KCNQ1: variants seen among roughly 807,000 people sequenced by gnomAD.
KCNQ1 encodes potassium voltage-gated channel subfamily Q member 1.
In KCNQ1, 49 loss-of-function variants were observed where a neutral mutation model predicts 72.4. The ratio of observed to expected loss-of-function variants is 0.68; its 90% CI spans 0.54 to 0.86. The LOEUF (loss-of-function observed/expected upper bound fraction) is 0.86, where lower values mean the gene tolerates loss of function less well. Ranked by LOEUF, KCNQ1 falls within the 40% of genes least tolerant of loss-of-function variation. The probability of loss-of-function intolerance (pLI) is 0.00; values close to 1 mark genes in which losing one functional copy is unlikely to be tolerated. For synonymous variants in KCNQ1, 450 were observed against 412.6 expected (o/e 1.09, Z -1.10); for missense variants, 790 against 945.1 (o/e 0.84, Z 2.15).
intron 15 of KCNQ1, among the ~76,000 whole-genome samples, chr11:2,797,931 G>A (rs1847171581): frequency 1.3e-5 from 2 of 152,222 alleles, no homozygotes; most frequent in African/African-American, 2.4e-5. Context: ...AGGCAGCCCA[G>A]GCTGCTCAGG....
At chr11:2,604,099 A>C (rs1848845723) in intron 10 of KCNQ1, among the ~76,000 whole-genome samples, 1 of 152,146 alleles carries the variant, frequency 6.6e-6, no homozygotes, top group Non-Finnish European at 1.5e-5. Context: ...GATTGTTTCC[A>C]CATTTTGACT....
intron 11 of KCNQ1, chr11:2,684,759 G>A: frequency 2.5e-6 from 1 of 398,634 alleles, no homozygotes; most frequent in Non-Finnish European, 4.4e-6. Flanking sequence ...AAGGGGTAAG[G>A]GAGGACTGCC....
rs397508125 is a variant in KCNQ1, at chr11:2,572,858, AC to A, written c.796del (p.Leu266CysfsTer23). 9 of 1,613,608 alleles carry A rather than the reference AC, an allele frequency of 5.6e-6. No homozygotes were observed. Among genetic ancestry groups the A allele is most frequent in the Non-Finnish European group, 7.6e-6 (9 of 1,179,994 alleles). ...VFIHRQELIT[T>X]LYIGFLGLIF... ...TTTTCTGGCCTAGGAGCTGATAACC[AC>A]CCTGTACATCGGCTTCCTGGGCCTC... On this transcript the variant is annotated frameshift_variant, in exon 6 of 16. Coordinates refer to ENST00000155840, the MANE Select transcript of KCNQ1 (RefSeq NM_000218.3). LOFTEE classifies it high-confidence loss of function.
At position 2,627,096 on chromosome 11, in the gene KCNQ1, A is replaced by G; in HGVS notation, c.1394-34865A>G. 2.5e-6 allele frequency: 1 copy of G among 398,478 alleles called. No homozygotes were observed. Among genetic ancestry groups the G allele is most frequent in the Non-Finnish European group, 4.4e-6 (1 of 226,042 alleles). The allele number at this position is 398,478 out of a possible 1,614,324, so 24.7% of individuals were successfully genotyped here. On this transcript the variant is annotated intron_variant, in intron 10 of 15. Coordinates refer to ENST00000155840, the MANE Select transcript of KCNQ1 (RefSeq NM_000218.3). The surrounding 1 kb of genome is among the most constrained non-coding windows in gnomAD (Gnocchi z 4.9). Reference sequence around the variant, plus strand: ...CTTTATGTCTACTTTAATTTCTTTCAGCATTGTTTTGTAATTTTCATTGTA... The same window carrying G: ...CTTTATGTCTACTTTAATTTCTTTCGGCATTGTTTTGTAATTTTCATTGTA...
intron 15 of KCNQ1, among the ~76,000 whole-genome samples, chr11:2,800,805 C>A (rs140389116): frequency 6.6e-6 from 1 of 152,184 alleles, no homozygotes; most frequent in Admixed American, 6.5e-5. Flanking sequence ...GCTGTCCACT[C>A]AGTGACCATC....
chr11:2,667,886 G>A (rs1376251150), intron 11 of KCNQ1: 7 of 398,534 alleles, frequency 1.8e-5, no homozygotes, highest in Non-Finnish European at 2.7e-5. Flanking sequence ...GGTCTCAAGT[G>A]CGCAGCTTGA....
chr11:2,807,622 G>A (rs937345155), intron 15 of KCNQ1, among the ~76,000 whole-genome samples: 9 of 152,120 alleles, frequency 5.9e-5, no homozygotes, highest in South Asian at 2.1e-4. Context: ...CGCAACCCGC[G>A]CCAGGACAGC....
intron 15 of KCNQ1, among the ~76,000 whole-genome samples, chr11:2,780,676 G>T (rs529187940): frequency 6.6e-6 from 1 of 152,208 alleles, no homozygotes; most frequent in African/African-American, 2.4e-5. Flanking sequence ...CAGCTGGCTG[G>T]CACCCCTCCA....
rs1262067249 is a variant in KCNQ1 at position 2,661,835 on chromosome 11, C to T, written c.1394-126C>T. ...AACACCCAACTATAAAACTGATTGT[C>T]AGGGCTGGAGCTTCCAGGCACAAGC... On this transcript the variant is annotated intron_variant, in intron 10 of 15. Transcript: ENST00000155840. This position sits in a 1 kb window ranked among gnomAD's most constrained non-coding sequence, Gnocchi z 5.9. 11 of 1,225,336 alleles carry T rather than the reference C, an allele frequency of 9.0e-6. No homozygotes were observed. The Admixed American group carries it at 1.8e-4, about 20-fold the overall frequency. 75.9% of individuals were successfully genotyped at this position (1,225,336 alleles called of 1,614,324 possible).
intron 14 of KCNQ1, 64 bp from the exon 15 acceptor site, chr11:2,777,912 C>T: frequency 6.7e-7 from 1 of 1,493,448 alleles, no homozygotes; most frequent in Non-Finnish European, 9.3e-7. Flanking sequence ...ACTTCCCAAG[C>T]CCAGCTGGGG....
chr11:2,667,551 G>T, intron 11 of KCNQ1: 1 of 186,176 alleles, frequency 5.4e-6, no homozygotes, highest in Non-Finnish European at 1.1e-5. Context: ...TATTGTCATG[G>T]AGACACTTCT....
At chr11:2,699,522 GCCGCGCTGAGGAGGCCCAGGGAGGA>G (rs1392990024) in intron 11 of KCNQ1, 5 of 275,522 alleles carry the variant, frequency 1.8e-5, no homozygotes, top group Non-Finnish European at 3.0e-5. Flanking sequence ...CCAGGAGAGT[GCCGCGCTGAGGAGGCCCAGGGAGGA>G]CCGCGCGGAG....
At chr11:2,732,815 T>C (rs1388566075) in intron 11 of KCNQ1, among the ~76,000 whole-genome samples, 1 of 151,942 alleles carries the variant, frequency 6.6e-6, no homozygotes, top group African/African-American at 2.4e-5. Flanking sequence ...GGGGCCTCTG[T>C]CCCACCCACT....
At position 2,541,158 on chromosome 11, in the gene KCNQ1, C is replaced by T. The variant is rs572768374; in HGVS notation, c.477+13140C>T. ...GGCAGGGAGAGAGACCCCCTTGGGG[C>T]CGCGTTCCATTTGCACATTTAATCC... On this transcript the variant is annotated intron_variant, in intron 2 of 15. Coordinates refer to ENST00000155840, the MANE Select transcript of KCNQ1 (RefSeq NM_000218.3). The surrounding 1 kb of genome is among the most constrained non-coding windows in gnomAD (Gnocchi z 4.8). 1.1e-3 allele frequency among the ~76,000 whole-genome samples: 164 copies of T among 152,370 alleles called. 1 individual carries two copies. Among genetic ancestry groups the T allele is most frequent in the Admixed American group, 2.6e-3 (40 of 15,310 alleles).
Position 2,830,184 on chromosome 11 carries a change from G to T in KCNQ1, c.1795-17583G>T, listed in dbSNP as rs576104996. Reference sequence around the variant, plus strand: ...GAAAGACCAGCAGGCCCTTTACACCGTGGGCACAGGCTCAGGACTGGCTGG... The same window carrying T: ...GAAAGACCAGCAGGCCCTTTACACCTTGGGCACAGGCTCAGGACTGGCTGG... On this transcript the variant is annotated intron_variant, in intron 15 of 15. Coordinates refer to ENST00000155840, the MANE Select transcript of KCNQ1 (RefSeq NM_000218.3). The surrounding 1 kb of genome is among the most constrained non-coding windows in gnomAD (Gnocchi z 7.7). Among the ~76,000 whole-genome samples, 2 of 152,154 alleles carry T rather than the reference G, an allele frequency of 1.3e-5. No individual in the cohort carries two copies. The highest frequency in any genetic ancestry group is 2.9e-5 in the Non-Finnish European group (2 of 68,008).
rs1849165583 is a variant in KCNQ1 at position 2,621,161 on chromosome 11, A to G, written c.1393+32307A>G. 1 of 397,288 alleles carries G rather than the reference A, an allele frequency of 2.5e-6. No homozygotes were observed. Among genetic ancestry groups the G allele is most frequent in the Non-Finnish European group, 4.4e-6 (1 of 225,888 alleles). 24.6% of individuals were successfully genotyped at this position (397,288 alleles called of 1,614,324 possible). A position where few individuals can be genotyped will look rare whatever the true frequency, so the allele number is the denominator to read the frequency against. On this transcript the variant is annotated intron_variant, in intron 10 of 15. Coordinates refer to ENST00000155840, the MANE Select transcript of KCNQ1 (RefSeq NM_000218.3). This position sits in a 1 kb window ranked among gnomAD's most constrained non-coding sequence, Gnocchi z 5.7. Reference sequence around the variant, plus strand: ...CCTGGCTAATTTTTGTGTTTTTAGTAGAGACGGGGTTTCACCATGTTGGCC... The same window carrying G: ...CCTGGCTAATTTTTGTGTTTTTAGTGGAGACGGGGTTTCACCATGTTGGCC...
In KCNQ1 at chr11:2,664,028, G is replaced by A. The variant is rs1850017682; in HGVS notation, c.1514+1947G>A. ...GCACATTACCATTCTGCAAGATCCT[G>A]CAGCCTTTTCAGGTTGGCACTCCCA... is the stretch of plus-strand genomic sequence containing the variant. On this transcript the variant is annotated intron_variant, in intron 11 of 15. Transcript: ENST00000155840. The surrounding 1 kb of genome is among the most constrained non-coding windows in gnomAD (Gnocchi z 5.1). 3 of 398,760 alleles carry A rather than the reference G, an allele frequency of 7.5e-6. No individual in the cohort carries two copies. The East Asian group carries it at 1.1e-4, about 14-fold the overall frequency. The allele number at this position is 398,760 out of a possible 1,614,324, so 24.7% of individuals were successfully genotyped here.
In KCNQ1 at chr11:2,599,099, T is replaced by G. The variant is rs1275826745; in HGVS notation, c.1393+10245T>G. On this transcript the variant is annotated intron_variant, in intron 10 of 15. Coordinates refer to ENST00000155840, the MANE Select transcript of KCNQ1 (RefSeq NM_000218.3). This position sits in a 1 kb window ranked among gnomAD's most constrained non-coding sequence, Gnocchi z 4.7. ...AGATGTGTTTCAGTACAGAACTTTT[T>G]TCTTATGTTTGCTTGGGCTCCCCTC... Among the ~76,000 whole-genome samples, 1 of 152,230 alleles carries G rather than the reference T, an allele frequency of 6.6e-6. No homozygotes were observed. The highest frequency in any genetic ancestry group is 2.4e-5 in the African/African-American group (1 of 41,448).
intron 2 of KCNQ1, among the ~76,000 whole-genome samples, chr11:2,568,085 A>G (rs549453189): frequency 6.6e-6 from 1 of 152,258 alleles, no homozygotes; most frequent in South Asian, 2.1e-4. Flanking sequence ...CCTGGCCAAC[A>G]TGGCAAAACC....
Sources: gnomAD v4.1 joint callset for allele counts (sites outside exome capture counted in the v4.1 genomes callset) on GRCh38, gnomAD v4.1.1 for gene constraint, Gnocchi (gnomAD v3.1) non-coding constraint, MANE v1.5 for transcripts, NCBI Gene and HGNC (gene_info 2026-07-23, HGNC 2026-07-21) for gene names.